ADARB2: variants seen among roughly 807,000 people sequenced by gnomAD.
The protein encoded by ADARB2 is adenosine deaminase RNA specific B2 (inactive).
A neutral mutation model predicts 62.2 loss-of-function variants in ADARB2; 25 were observed. The ratio of observed to expected loss-of-function variants is 0.40; its 90% confidence interval spans 0.29 to 0.56. The LOEUF (loss-of-function observed/expected upper bound fraction) is 0.56. Ranked by LOEUF, ADARB2 falls within the 20% of genes least tolerant of loss-of-function variation. The pLI, the probability that ADARB2 is intolerant of heterozygous loss-of-function variation, is 0.43. For missense variants in ADARB2, 1,071 were observed against 1,077.4 expected, an observed-to-expected ratio of 0.99 and a Z score of 0.08; for synonymous variants, 572 against 500.8, an observed-to-expected ratio of 1.14 and a Z score of -1.90.
At chr10:1,494,168 CA>C (rs1831659054) in intron 1 of ADARB2, among the ~76,000 whole-genome samples, 1 of 152,098 alleles carries the variant, frequency 6.6e-6, no homozygotes, top group African/African-American at 2.4e-5. Context: ...GAAAATTTAG[CA>C]AAATCACACA....
intron 1 of ADARB2, among the ~76,000 whole-genome samples, chr10:1,550,772 G>C (rs1234918474): frequency 1.3e-5 from 2 of 152,036 alleles, no homozygotes; most frequent in Admixed American, 1.3e-4. Flanking sequence ...AACCCCGAGT[G>C]CTTAGTCATT....
intron 1 of ADARB2, among the ~76,000 whole-genome samples, chr10:1,564,329 C>T (rs1176737584): frequency 6.6e-6 from 1 of 152,202 alleles, no homozygotes; most frequent in African/African-American, 2.4e-5. Context: ...CTAGGCATTA[C>T]CATTCAGGAC....
intron 1 of ADARB2, among the ~76,000 whole-genome samples, chr10:1,583,547 A>G (rs1833134549): frequency 6.6e-6 from 1 of 152,238 alleles, no homozygotes; most frequent in Non-Finnish European, 1.5e-5. Flanking sequence ...AATCATGTAC[A>G]AGATATGAGG....
intron 1 of ADARB2, among the ~76,000 whole-genome samples, chr10:1,488,970 A>G (rs896781875): frequency 1.3e-5 from 2 of 152,248 alleles, no homozygotes; most frequent in Non-Finnish European, 2.9e-5. Context: ...ATTGGAAGGC[A>G]TCCTCCACTA....
rs571016246 is a variant in ADARB2, at chr10:1,479,269, A to T, written c.101-100109T>A. ...GGGGGTACAGACCAGAACCCAGGCA[A>T]GGCAGCAGCCACGTGGAGCAGGAAG... On this transcript the variant is annotated intron_variant, in intron 1 of 9. Coordinates refer to ENST00000381312, the MANE Select transcript of ADARB2 (RefSeq NM_018702.4). Among the ~76,000 whole-genome samples the T allele has an allele frequency of 2.0e-5, 3 of 152,340 alleles. No individual in the cohort carries two copies. The East Asian group carries it at 5.8e-4, about 29-fold the overall frequency.
At chr10:1,643,636 A>C (rs10794777) in intron 1 of ADARB2, among the ~76,000 whole-genome samples, 44,103 of 152,198 alleles carry the variant, frequency 0.29, 7,425 homozygotes, top group East Asian at 0.44. Flanking sequence ...CCTGCTGCGA[A>C]GCGCGTCAGA....
intron 1 of ADARB2, among the ~76,000 whole-genome samples, chr10:1,472,690 A>T (rs17156375): frequency 0.091 from 13,916 of 152,284 alleles, 836 homozygotes; most frequent in East Asian, 0.31. Context: ...GCTCTGTGCA[A>T]TCACTTTTTG....
At chr10:1,351,517 T>TTAAC (rs1305445841) in intron 3 of ADARB2, among the ~76,000 whole-genome samples, 11 of 152,064 alleles carry the variant, frequency 7.2e-5, no homozygotes, top group Admixed American at 2.0e-4. Flanking sequence ...CCGAGACACT[T>TTAAC]TAAATTATCT....
chr10:1,568,766 A>C (rs1832892371), intron 1 of ADARB2, among the ~76,000 whole-genome samples: 1 of 152,016 alleles, frequency 6.6e-6, no homozygotes, highest in African/African-American at 2.4e-5. Context: ...TTTTGAATCT[A>C]AACTTCTGTG....
chr10:1,499,546 T>TCTCACTCATCACTCATCA (rs1214349129), intron 1 of ADARB2, among the ~76,000 whole-genome samples: 7 of 150,486 alleles, frequency 4.7e-5, no homozygotes, highest in East Asian at 4.0e-4. Flanking sequence ...CTCGCTCATG[T>TCTCACTCATCACTCATCA]CTCACTCATC....
intron 1 of ADARB2, among the ~76,000 whole-genome samples, chr10:1,719,807 A>G (rs1378077289): frequency 6.6e-6 from 1 of 152,272 alleles, no homozygotes; most frequent in Non-Finnish European, 1.5e-5. Flanking sequence ...AACGTGACTA[A>G]TCATTAGAGA....
intron 1 of ADARB2, among the ~76,000 whole-genome samples, chr10:1,585,795 G>A (rs553216553): frequency 2.6e-5 from 4 of 152,290 alleles, no homozygotes; most frequent in South Asian, 4.1e-4. Context: ...AGCACTTTGG[G>A]AGGCCAAGGT....
intron 1 of ADARB2, among the ~76,000 whole-genome samples, chr10:1,424,055 T>C (rs979671618): frequency 6.6e-6 from 1 of 152,140 alleles, no homozygotes; most frequent in African/African-American, 2.4e-5. Flanking sequence ...AGGTCTACTA[T>C]GTATGCAGTG....
chr10:1,344,776 A>G (rs11250433), intron 3 of ADARB2, among the ~76,000 whole-genome samples: 35,690 of 152,152 alleles, frequency 0.23, 4,903 homozygotes, highest in Middle Eastern at 0.37. Context: ...TGGGGCCCCA[A>G]ATAAACCAGG....
At chr10:1,516,679 G>A (rs1341197383) in intron 1 of ADARB2, among the ~76,000 whole-genome samples, 2 of 152,248 alleles carry the variant, frequency 1.3e-5, no homozygotes, top group Non-Finnish European at 2.9e-5. Context: ...CGAGCTGCAT[G>A]CGAATATCGC....
chr10:1,195,830 GT>G (rs1284017610), intron 8 of ADARB2, among the ~76,000 whole-genome samples: 3 of 152,160 alleles, frequency 2.0e-5, no homozygotes, highest in African/African-American at 4.8e-5. Flanking sequence ...GTGGGGGCCA[GT>G]TGGCTTTTAT....
At chr10:1,297,451 T>C (rs1831533185) in intron 3 of ADARB2, among the ~76,000 whole-genome samples, 1 of 152,262 alleles carries the variant, frequency 6.6e-6, no homozygotes. Flanking sequence ...TGGCATTCCC[T>C]GTGAAACCTT....
At chr10:1,335,174 T>C (rs910495406) in intron 3 of ADARB2, among the ~76,000 whole-genome samples, 1 of 151,488 alleles carries the variant, frequency 6.6e-6, no homozygotes, top group African/African-American at 2.4e-5. Flanking sequence ...CTGGGGCAGA[T>C]AGTACTTATT....
intron 1 of ADARB2, among the ~76,000 whole-genome samples, chr10:1,735,675 T>G (rs1346813492): frequency 2.0e-5 from 3 of 152,220 alleles, no homozygotes; most frequent in Admixed American, 2.0e-4. Context: ...ACAAAGTGAA[T>G]CGCAAGCGCA....
Sources: gnomAD v4.1 joint callset for allele counts (sites outside exome capture counted in the v4.1 genomes callset) on GRCh38, gnomAD v4.1.1 for gene constraint, MANE v1.5 for transcripts, NCBI Gene and HGNC (gene_info 2026-07-23, HGNC 2026-07-21) for gene names.